Variants in LRRC9 observed in about 807,000 individuals in gnomAD.
LRRC9 encodes the protein leucine-rich repeat-containing protein 9.
In LRRC9, 122 loss-of-function variants were observed where a neutral mutation model predicts 63.2. The observed-to-expected ratio is 1.93, with a 90% CI of 1.67 to 2.24. LRRC9 has a LOEUF of 2.24. LRRC9 is among the 30% of genes most tolerant of loss of function. The pLI, the probability that LRRC9 is intolerant of heterozygous loss-of-function variation, is 0.00. For missense variants in LRRC9, 1,071 were observed against 627.7 expected (o/e 1.71, Z -7.55); for synonymous variants, 366 against 213.1 (o/e 1.72, Z -6.25).
Position 60,049,261 on chromosome 14 carries a change from G to A in LRRC9, c.3991-3804G>A, listed in dbSNP as rs568793544. 2.6e-5 allele frequency among the ~76,000 whole-genome samples: 4 copies of A among 152,254 alleles called. No individual in the cohort carries two copies. In the East Asian group the frequency reaches 5.8e-4, roughly 22 times the overall value. On this transcript the variant is annotated intron_variant, in intron 29 of 31. Coordinates refer to ENST00000445360, the Ensembl canonical transcript of LRRC9. Reference sequence around the variant, plus strand: ...GACATCTAGACCATTTGCGTTTAAGGTTAGTATTGTTATGTGTGAATTTGA... The same window carrying A: ...GACATCTAGACCATTTGCGTTTAAGATTAGTATTGTTATGTGTGAATTTGA...
rs1889822340 is a variant in LRRC9 at position 59,932,924 on chromosome 14, A to G, written c.543+885A>G. 6.6e-6 allele frequency among the ~76,000 whole-genome samples: 1 copy of G among 152,088 alleles called. No homozygotes were observed. Among genetic ancestry groups the G allele is most frequent in the Admixed American group, 6.6e-5 (1 of 15,244 alleles). ...TCTCATCTATTTCAGAGTAGAAGAC[A>G]TTTCATATAATGGGGCCATAAGACT... On this transcript the variant is annotated intron_variant, in intron 6 of 31. Transcript: ENST00000445360. This position sits in a 1 kb window ranked among gnomAD's most constrained non-coding sequence, Gnocchi z 4.7.
At chr14:60,011,402 T>C (rs1471486210) in intron 23 of LRRC9, among the ~76,000 whole-genome samples, 1 of 152,214 alleles carries the variant, frequency 6.6e-6, no homozygotes, top group Non-Finnish European at 1.5e-5. Context: ...GATGAGACTT[T>C]GGTGGGGACA....
At chr14:59,960,777 C>T in intron 9 of LRRC9, 137 bp from the exon 10 acceptor site, 1 of 471,640 alleles carries the variant, frequency 2.1e-6, no homozygotes, top group Middle Eastern at 5.4e-4. Flanking sequence ...CATGGTTTAA[C>T]TGTTAACACC....
In LRRC9 at chr14:59,941,608, T is replaced by C. The variant is rs376687434; in HGVS notation, c.727-2981T>C. 1.1e-4 allele frequency among the ~76,000 whole-genome samples: 16 copies of C among 152,200 alleles called. 1 individual carries two copies. The highest frequency in any genetic ancestry group is 3.6e-4 in the African/African-American group (15 of 41,566). On this transcript the variant is annotated intron_variant, in intron 7 of 31. Coordinates refer to ENST00000445360, the Ensembl canonical transcript of LRRC9. ...AATTCAAATTTAATTTGGCATCTTGTATTTTATCTGACCAAATTAACTCCA... is the reference window on the plus strand; with the variant it reads ...AATTCAAATTTAATTTGGCATCTTGCATTTTATCTGACCAAATTAACTCCA...
At chr14:60,040,408 C>T (rs553076960) in intron 29 of LRRC9, among the ~76,000 whole-genome samples, 14 of 151,890 alleles carry the variant, frequency 9.2e-5, no homozygotes, top group East Asian at 1.9e-4. Context: ...TCTCTTTGTA[C>T]ATCTCTAAGG....
intron 12 of LRRC9, among the ~76,000 whole-genome samples, chr14:59,970,571 C>G (rs1054573378): frequency 2.0e-5 from 3 of 152,156 alleles, no homozygotes; most frequent in African/African-American, 7.2e-5. Context: ...ATTCCTTTTT[C>G]TCCACAACCT....
chr14:60,063,600 A>C, downstream of LRRC9: 3 of 427,800 alleles, frequency 7.0e-6, no homozygotes, highest in Non-Finnish European at 8.3e-6. Flanking sequence ...TTTCTATATC[A>C]TAAAAATCAT....
intron 17 of LRRC9, among the ~76,000 whole-genome samples, chr14:59,991,867 G>A (rs1460664055): frequency 6.6e-6 from 1 of 152,214 alleles, no homozygotes; most frequent in African/African-American, 2.4e-5. Context: ...GCCTGCCTCT[G>A]TAGACTCCAC....
At chr14:59,991,849 G>A (rs542710470) in intron 17 of LRRC9, among the ~76,000 whole-genome samples, 23 of 152,314 alleles carry the variant, frequency 1.5e-4, no homozygotes, top group African/African-American at 5.5e-4. Flanking sequence ...CACAGCTCAA[G>A]GAGGCCTGCC....
At chr14:59,941,093 T>G (rs985317315) in intron 7 of LRRC9, among the ~76,000 whole-genome samples, 10 of 152,088 alleles carry the variant, frequency 6.6e-5, no homozygotes, top group Non-Finnish European at 1.3e-4. Flanking sequence ...TATTGATAAC[T>G]CTTATTTATT....
intron 17 of LRRC9, among the ~76,000 whole-genome samples, chr14:59,995,077 T>C (rs1888613616): frequency 6.6e-6 from 1 of 152,152 alleles, no homozygotes; most frequent in Non-Finnish European, 1.5e-5. Context: ...TGTGTATCAG[T>C]GTACTTAAAC....
At chr14:59,979,470 G>A (rs1347183871) in intron 15 of LRRC9, among the ~76,000 whole-genome samples, 1 of 152,024 alleles carries the variant, frequency 6.6e-6, no homozygotes, top group Non-Finnish European at 1.5e-5. Context: ...ACATTAGCCG[G>A]CCGTGGTGGC....
chr14:60,005,296 G>A (rs1015933711), intron 21 of LRRC9, among the ~76,000 whole-genome samples: 16 of 152,052 alleles, frequency 1.1e-4, no homozygotes, highest in African/African-American at 2.7e-4. Context: ...GGTAGCTCAG[G>A]CACCTGTGTC....
chr14:59,965,839 C>T lies in LRRC9; in HGVS notation c.1212-750C>T, dbSNP rs1007372572. Among the ~76,000 whole-genome samples the T allele has an allele frequency of 1.0e-4, 13 of 125,912 alleles. No individual in the cohort carries two copies. The Admixed American group carries it at 1.2e-3, about 12-fold the overall frequency. The allele number at this position is 125,912 out of a possible 152,430, so 82.6% of individuals were successfully genotyped here. On this transcript the variant is annotated intron_variant, in intron 10 of 31. Coordinates refer to ENST00000445360, the Ensembl canonical transcript of LRRC9. ...CGGAGATTGCAGTGAGTGGAGATGG[C>T]GCCCCTGCACTCTAGCCTGGGCGAC...
At chr14:60,034,494 T>C (rs540762298) in intron 29 of LRRC9, among the ~76,000 whole-genome samples, 2 of 152,268 alleles carry the variant, frequency 1.3e-5, no homozygotes, top group South Asian at 4.1e-4. Context: ...CATTCCCATC[T>C]CTCATCCCCG....
At chr14:59,955,164 A>C (rs1382519404) in intron 8 of LRRC9, among the ~76,000 whole-genome samples, 2 of 152,204 alleles carry the variant, frequency 1.3e-5, no homozygotes, top group Non-Finnish European at 2.9e-5. Flanking sequence ...TCATAAAATG[A>C]GTTAGGGAGG....
At chr14:59,963,109 AT>A (rs564591306) in intron 10 of LRRC9, among the ~76,000 whole-genome samples, 11 of 152,162 alleles carry the variant, frequency 7.2e-5, no homozygotes, top group Non-Finnish European at 1.6e-4. Context: ...TCCTATTAAT[AT>A]TTTTAAGGCT....
At chr14:59,952,864 T>C (rs1262566999) in intron 8 of LRRC9, among the ~76,000 whole-genome samples, 1 of 152,114 alleles carries the variant, frequency 6.6e-6, no homozygotes, top group Non-Finnish European at 1.5e-5. Flanking sequence ...TGTGTCCAAG[T>C]GTTTTCATTG....
Position 59,988,852 on chromosome 14 carries a change from C to T in LRRC9, c.2211+3628C>T, listed in dbSNP as rs1887758123. 2.0e-5 allele frequency among the ~76,000 whole-genome samples: 3 copies of T among 152,112 alleles called. No individual in the cohort carries two copies. The South Asian group carries it at 6.2e-4, about 31-fold the overall frequency. ...ATAGATCATAGGAATAATATCCCTT[C>T]AGTTACTGAATGTTAATAACAGTTT... On this transcript the variant is annotated intron_variant, in intron 17 of 31. Transcript: ENST00000445360.
Sources: gnomAD v4.1 joint callset for allele counts (sites outside exome capture counted in the v4.1 genomes callset) on GRCh38, gnomAD v4.1.1 for gene constraint, Gnocchi (gnomAD v3.1) non-coding constraint, MANE v1.5 for transcripts, NCBI Gene and HGNC (gene_info 2026-07-23, HGNC 2026-07-21) for gene names.